The following USH2A variants were observed in gnomAD, a reference collection of about 807,000 sequenced individuals.
USH2A encodes the protein Usher syndrome 2A (autosomal recessive, mild).
In USH2A, 443 loss-of-function variants were observed where a neutral mutation model predicts 538.9. That is an observed-to-expected ratio of 0.82 (90% CI 0.76 to 0.89). The LOEUF is 0.89. Among genes scored for constraint, USH2A ranks in the 40% least tolerant of loss-of-function variants. USH2A has a pLI of 0.00. For synonymous variants in USH2A, 2,413 were observed against 2,273.5 expected (o/e 1.06, Z -1.75); for missense variants, 6,633 against 6,324.8 (o/e 1.05, Z -1.65).
chr1:215,728,310 C>G lies in USH2A; in HGVS notation c.11786G>C (p.Gly3929Ala), dbSNP rs1659892588. The G allele has an allele frequency of 6.2e-7, 1 of 1,614,054 alleles. No individual in the cohort carries two copies. Among genetic ancestry groups the G allele is most frequent in the Non-Finnish European group, 8.5e-7 (1 of 1,180,046 alleles). The stretch of plus-strand genomic sequence containing the variant: ...GAGTGTGAAAGGCCTCAGGGTGTCT[C>G]CTTCATCCATAAATTCAAGGGCTCC... ...SEGALEFMDE[G>A]DTLRPFTLYE... Residue 3929 changes from glycine (G) to alanine (A), a missense_variant, in exon 61 of 72, where the codon GGA becomes GCA. Coordinates refer to ENST00000307340, the MANE Select transcript of USH2A (RefSeq NM_206933.4).
At position 215,845,756 on chromosome 1, in the gene USH2A, A is replaced by G. The variant is rs1026862710; in HGVS notation, c.9055+68T>C. 1.0e-5 allele frequency: 16 copies of G among 1,541,080 alleles called. No homozygotes were observed. The Admixed American group carries it at 2.4e-4, about 23-fold the overall frequency. On this transcript the variant is annotated intron_variant, in intron 45 of 71. Coordinates refer to ENST00000307340, the MANE Select transcript of USH2A (RefSeq NM_206933.4). ...TATAATGGAGGGATGACTGATCTCA[A>G]CCCCGGCAAGAATCAATCAATTTCA...
chr1:216,159,260 T>G (rs768718645), intron 21 of USH2A, among the ~76,000 whole-genome samples: 1 of 152,142 alleles, frequency 6.6e-6, no homozygotes, highest in East Asian at 1.9e-4. Context: ...TGAATTTCCT[T>G]GTCCTGTACC....
chr1:215,998,836 G>C, intron 34 of USH2A, 51 bp downstream of exon 34: 1 of 1,587,222 alleles, frequency 6.3e-7, no homozygotes, highest in Non-Finnish European at 8.6e-7. Context: ...ACGGGAAGGG[G>C]AGAAGAAGTG....
Position 216,175,385 on chromosome 1 carries a change from A to T in USH2A, c.4494T>A (p.Pro1498=). 6.2e-7 allele frequency: 1 copy of T among 1,613,808 alleles called. No individual in the cohort carries two copies. The highest frequency in any genetic ancestry group is 8.5e-7 in the Non-Finnish European group (1 of 1,179,868). ...FPPEELNGPS[P]IYQLERRESS... is the part of the protein sequence containing the mutation. ...ACTCTCTCCTTTCCAGCTGATATAT[A>T]GGAGAGGGTCCATTCAGTTCTTCAG... The change falls in exon 21 of 72, where the codon CCT becomes CCA. Residue 1498 remains proline, a synonymous_variant. Transcript: ENST00000307340.
chr1:216,019,449 A>T (rs1290398799), intron 32 of USH2A, among the ~76,000 whole-genome samples: 1 of 152,108 alleles, frequency 6.6e-6, no homozygotes, highest in African/African-American at 2.4e-5. Flanking sequence ...AAATGGGGGG[A>T]GAAGTTAGAA....
In USH2A at chr1:215,878,999, C is replaced by T. The variant is rs552058526; in HGVS notation, c.8323G>A (p.Val2775Met). 4.3e-6 allele frequency: 7 copies of T among 1,614,044 alleles called. No homozygotes were observed. The South Asian group carries it at 7.7e-5, about 18-fold the overall frequency. Residue 2775 changes from valine to methionine, a missense_variant, in exon 42 of 72, where the codon GTG becomes ATG. By Grantham distance (21) the Val-to-Met change is conservative. Coordinates refer to ENST00000307340, the MANE Select transcript of USH2A (RefSeq NM_206933.4). ...AGATGAGTAACTTTTTGACTTAACA[C>T]TGCGGAAGTCACATTGGTTAAAGTG... Reference protein sequence around the residue: ...HITLTNVTSAVLSQKVTHLIP... With the variant: ...HITLTNVTSAMLSQKVTHLIP...
Position 216,198,578 on chromosome 1 carries a change from A to G in USH2A, c.3818T>C (p.Ile1273Thr). ...WSPPAELNGIIIRYELYMRRL... is the reference protein window; with the variant it reads ...WSPPAELNGITIRYELYMRRL... ...TCTCATGTATAGTTCATATCTTATA[A>G]TTATTCCTAGAGAAATTAAATAGTG... is the stretch of plus-strand genomic sequence containing the variant. Residue 1273 changes from isoleucine to threonine, a missense_variant, in exon 18 of 72, where the codon ATT (isoleucine) becomes ACT (threonine). By Grantham distance (89) the Ile-to-Thr change is moderately conservative. Coordinates refer to ENST00000307340, the MANE Select transcript of USH2A (RefSeq NM_206933.4). The G allele has an allele frequency of 1.2e-6, 2 of 1,612,566 alleles. No homozygotes were observed. The highest frequency in any genetic ancestry group is 1.7e-6 in the Non-Finnish European group (2 of 1,179,586).
At chr1:216,001,015 C>G (rs1668254226) in intron 32 of USH2A, among the ~76,000 whole-genome samples, 1 of 152,156 alleles carries the variant, frequency 6.6e-6, no homozygotes, top group Admixed American at 6.6e-5. Context: ...CTTCTCCTGT[C>G]CACCACCTGA....
At chr1:215,646,480 T>C (rs372984033) in intron 67 of USH2A, among the ~76,000 whole-genome samples, 13 of 152,252 alleles carry the variant, frequency 8.5e-5, no homozygotes, top group African/African-American at 2.6e-4. Context: ...GCAGAAATGA[T>C]GGTGGTTCCA....
At chr1:216,047,351 C>T (rs961275129) in intron 31 of USH2A, among the ~76,000 whole-genome samples, 1 of 152,020 alleles carries the variant, frequency 6.6e-6, no homozygotes, top group East Asian at 1.9e-4. Flanking sequence ...AACATAGGGC[C>T]ATTTGTCCCA....
At position 215,644,097 on chromosome 1, in the gene USH2A, AC is replaced by A. The variant is rs532985862; in HGVS notation, c.14792-3364del. ...GTTTGCTTTGAATATAGTATGGGTG[AC>A]AAAAAATGCTGATTGAGCAGTGTCA... On this transcript the variant is annotated intron_variant, in intron 67 of 71. Transcript: ENST00000307340. Among the ~76,000 whole-genome samples, 252 of 152,356 alleles carry A rather than the reference AC, an allele frequency of 1.7e-3. 1 individual carries two copies. Among genetic ancestry groups the A allele is most frequent in the Middle Eastern group, 0.01 (3 of 294 alleles).
chr1:216,145,566 TCAAACAGC>T (rs1251090423), intron 21 of USH2A, among the ~76,000 whole-genome samples: 5 of 152,284 alleles, frequency 3.3e-5, no homozygotes, highest in Admixed American at 2.0e-4. Context: ...TTCAGAGTAG[TCAAACAGC>T]CATGGATTAT....
At chr1:216,259,283 G>A in intron 11 of USH2A, among the ~76,000 whole-genome samples, 1 of 152,094 alleles carries the variant, frequency 6.6e-6, no homozygotes, top group East Asian at 1.9e-4. Context: ...TGCTGCACAT[G>A]TGGTTGGGAG....
At chr1:216,003,332 G>A (rs957712928) in intron 32 of USH2A, among the ~76,000 whole-genome samples, 4 of 152,092 alleles carry the variant, frequency 2.6e-5, no homozygotes, top group Non-Finnish European at 5.9e-5. Context: ...CATTTTAGAA[G>A]ATAGCATGTC....
In USH2A at chr1:216,323,678, C is replaced by A. The variant is rs766715882; in HGVS notation, c.1346G>T (p.Arg449Leu). ...LQLSNFTPYS[R>L]GNVTFSILTP... ...CAGGATGCTAAATGTGACATTGCCA[C>A]GGGAATATGGAGTAAAACTGTTAAT... is the stretch of plus-strand genomic sequence containing the variant. Residue 449 changes from arginine (R) to leucine (L), a missense_variant, in exon 8 of 72, where the codon CGT becomes CTT. Coordinates refer to ENST00000307340, the MANE Select transcript of USH2A (RefSeq NM_206933.4). 2 of 1,613,182 alleles carry A rather than the reference C, an allele frequency of 1.2e-6. No homozygotes were observed. Among genetic ancestry groups the A allele is most frequent in the African/African-American group, 2.7e-5 (2 of 74,796 alleles).
At chr1:216,357,188 T>A (rs966551284) in intron 4 of USH2A, among the ~76,000 whole-genome samples, 1 of 152,122 alleles carries the variant, frequency 6.6e-6, no homozygotes, top group African/African-American at 2.4e-5. Flanking sequence ...TACATTAACA[T>A]CATTTTAAAT....
At chr1:215,663,847 C>T (rs1657519187) in intron 64 of USH2A, among the ~76,000 whole-genome samples, 1 of 152,124 alleles carries the variant, frequency 6.6e-6, no homozygotes, top group South Asian at 2.1e-4. Flanking sequence ...GCCTATGAGT[C>T]CAATGCTATA....
intron 61 of USH2A, among the ~76,000 whole-genome samples, chr1:215,682,866 A>T (rs12137837): frequency 0.2 from 29,601 of 151,032 alleles, 3,186 homozygotes; most frequent in South Asian, 0.47. Flanking sequence ...TATTTATTTA[A>T]TTTATTATTA....
rs1295317440 is a variant in USH2A at position 215,888,492 on chromosome 1, T to C, written c.8157A>G (p.Thr2719=). Residue 2719 remains threonine (T), a synonymous_variant, in exon 41 of 72, where the codon ACA becomes ACG. Transcript: ENST00000307340. ...TNSSAWVEVT[T]RPSRPAGVQP... Reference sequence around the variant, plus strand: ...GCACCCCAGCAGGTCGTGAGGGTCTTGTGGTAACTTCTACCCAAGCACTGC... The same window carrying C: ...GCACCCCAGCAGGTCGTGAGGGTCTCGTGGTAACTTCTACCCAAGCACTGC... The C allele has an allele frequency of 6.2e-7, 1 of 1,614,114 alleles. No homozygotes were observed. The highest frequency in any genetic ancestry group is 8.5e-7 in the Non-Finnish European group (1 of 1,180,010).
Sources: gnomAD v4.1 joint callset for allele counts (sites outside exome capture counted in the v4.1 genomes callset) on GRCh38, gnomAD v4.1.1 for gene constraint, MANE v1.5 for transcripts, NCBI Gene and HGNC (gene_info 2026-07-23, HGNC 2026-07-21) for gene names.